Variants in HEXB observed in about 807,000 individuals in gnomAD.
The protein encoded by HEXB is beta-hexosaminidase subunit beta.
HEXB carries 51 observed loss-of-function variants against 71.2 expected under a neutral mutation model. The ratio of observed to expected loss-of-function variants is 0.72; its 90% CI spans 0.57 to 0.90. HEXB has a LOEUF of 0.90. HEXB is among the 40% of genes least tolerant of loss of function. HEXB has a pLI of 0.00. For synonymous variants in HEXB, 266 were observed against 249.3 expected, an observed-to-expected ratio of 1.07 and a Z score of -0.63; for missense variants, 617 against 677.0, an observed-to-expected ratio of 0.91 and a Z score of 0.98.
intron 5 of HEXB, among the ~76,000 whole-genome samples, chr5:74,702,983 G>C (rs1749298922): frequency 6.6e-6 from 1 of 152,104 alleles, no homozygotes; most frequent in Admixed American, 6.6e-5. Context: ...ATGGAGTTTC[G>C]CTCTTGTCGC....
Position 74,720,728 on chromosome 5 carries a change from C to T in HEXB, c.1594C>T (p.His532Tyr), listed in dbSNP as rs968213091. ...TGACGCCTATGACAGACTGACAAGG[C>T]ACCGCTGCAGGATGGTCGAGTAAGA... ...MDDAYDRLTR[H>Y]RCRMVERGIA... The change falls in exon 13 of 14, where the codon CAC (histidine) becomes TAC (tyrosine). Residue 532 changes from histidine to tyrosine, a missense_variant. His to Tyr is a moderately conservative substitution (Grantham distance 83). Coordinates refer to ENST00000261416, the MANE Select transcript of HEXB (RefSeq NM_000521.4). 1.9e-6 allele frequency: 3 copies of T among 1,613,682 alleles called. No individual in the cohort carries two copies. Among genetic ancestry groups the T allele is most frequent in the Non-Finnish European group, 8.5e-7 (1 of 1,179,566 alleles).
intron 1 of HEXB, among the ~76,000 whole-genome samples, chr5:74,644,540 T>C (rs763217828): frequency 2.0e-5 from 3 of 152,152 alleles, no homozygotes; most frequent in Non-Finnish European, 4.4e-5. Context: ...TGGCTGTTTA[T>C]TAAAGAGATG....
intron 1 of HEXB, among the ~76,000 whole-genome samples, chr5:74,677,490 C>CTTTTTTTTTTTTTTTTTT (rs566302720): frequency 2.2e-4 from 17 of 77,282 alleles, no homozygotes; most frequent in Non-Finnish European, 3.0e-4. Context: ...TCTTCTTCTT[C>CTTTTTTTTTTTTTTTTTT]TTTTTTTTTT....
intron 2 of HEXB, among the ~76,000 whole-genome samples, chr5:74,690,759 G>GT (rs1192244620): frequency 6.7e-6 from 1 of 149,450 alleles, no homozygotes; most frequent in Non-Finnish European, 1.5e-5. Context: ...CTGCCTCACA[G>GT]TTAAGTACAT....
chr5:74,719,057 G>A (rs1303673764), intron 11 of HEXB, 86 bp downstream of exon 11: 2 of 1,348,612 alleles, frequency 1.5e-6, no homozygotes, highest in African/African-American at 1.4e-5. Flanking sequence ...TGTTTTATGA[G>A]TTTTCTTCCC....
At chr5:74,663,818 T>A (rs1408126353) in intron 1 of HEXB, among the ~76,000 whole-genome samples, 1 of 152,138 alleles carries the variant, frequency 6.6e-6, no homozygotes, top group South Asian at 2.1e-4. Context: ...GTTTAAAAGA[T>A]GGATTACTTA....
At chr5:74,658,365 T>G (rs975943712) in intron 1 of HEXB, among the ~76,000 whole-genome samples, 10 of 152,194 alleles carry the variant, frequency 6.6e-5, no homozygotes, top group African/African-American at 2.4e-4. Context: ...GGTAAAGAAT[T>G]TCGCCTTGCC....
intron 1 of HEXB, among the ~76,000 whole-genome samples, chr5:74,658,156 C>T (rs1052785038): frequency 1.3e-5 from 2 of 152,162 alleles, no homozygotes; most frequent in Admixed American, 6.5e-5. Context: ...CTGAGGGCTT[C>T]AGCACATGTG....
At chr5:74,644,223 C>A (rs532363750) in intron 1 of HEXB, among the ~76,000 whole-genome samples, 1 of 152,206 alleles carries the variant, frequency 6.6e-6, no homozygotes, top group Non-Finnish European at 1.5e-5. Context: ...GCCATGGGGA[C>A]CTCTGGAGCT....
intron 5 of HEXB, among the ~76,000 whole-genome samples, chr5:74,698,190 G>A (rs895895280): frequency 1.1e-4 from 16 of 151,630 alleles, no homozygotes; most frequent in Non-Finnish European, 1.9e-4. Flanking sequence ...CAATTCTCCT[G>A]CCTCAGCCTC....
At chr5:74,650,794 T>C (rs1460211572) in intron 1 of HEXB, among the ~76,000 whole-genome samples, 2 of 150,654 alleles carry the variant, frequency 1.3e-5, no homozygotes, top group African/African-American at 2.5e-5. Flanking sequence ...GGCGTGGTGG[T>C]GGGCACCTGT....
chr5:74,670,005 G>C (rs1331294217), intron 1 of HEXB, among the ~76,000 whole-genome samples: 1 of 152,114 alleles, frequency 6.6e-6, no homozygotes, highest in Non-Finnish European at 1.5e-5. Flanking sequence ...AGGCAGACAG[G>C]GGTGGGTCCC....
intron 3 of HEXB, among the ~76,000 whole-genome samples, chr5:74,694,647 A>G (rs1749071484): frequency 6.6e-6 from 1 of 152,166 alleles, no homozygotes; most frequent in African/African-American, 2.4e-5. Flanking sequence ...AAAAAACATG[A>G]ACTAACCAAA....
intron 3 of HEXB, among the ~76,000 whole-genome samples, chr5:74,694,299 G>A (rs1358967396): frequency 6.6e-6 from 1 of 152,168 alleles, no homozygotes; most frequent in Non-Finnish European, 1.5e-5. Flanking sequence ...ACTACACATG[G>A]CCCCAACCTG....
At chr5:74,673,952 A>G (rs1184542661) in intron 1 of HEXB, among the ~76,000 whole-genome samples, 1 of 152,180 alleles carries the variant, frequency 6.6e-6, no homozygotes, top group Non-Finnish European at 1.5e-5. Context: ...GTCAATCTAC[A>G]ATAATCAAAA....
chr5:74,685,165 TCACC>T, upstream of HEXB: 1 of 1,323,124 alleles, frequency 7.6e-7, no homozygotes, highest in South Asian at 1.6e-5. Context: ...ACTCGGTGAC[TCACC>T]CGCGGCCGCG....
intron 1 of HEXB, among the ~76,000 whole-genome samples, chr5:74,662,887 C>T (rs979960197): frequency 1.3e-5 from 2 of 152,126 alleles, no homozygotes; most frequent in East Asian, 1.9e-4. Flanking sequence ...GAATTTAAGC[C>T]ATTTCCCCAA....
intron 1 of HEXB, among the ~76,000 whole-genome samples, chr5:74,650,310 T>C (rs1272110675): frequency 6.6e-6 from 1 of 152,240 alleles, no homozygotes; most frequent in Non-Finnish European, 1.5e-5. Flanking sequence ...TTTCCTACAC[T>C]GAACTTTTAG....
Position 74,697,254 on chromosome 5 carries a change from A to G in HEXB, c.669+148A>G. Reference sequence around the variant, plus strand: ...CTTTCCTCAGTTCCTAGGGAAGTGTATTTCCTCAGCTGTGACGTGGAGGTC... The same window carrying G: ...CTTTCCTCAGTTCCTAGGGAAGTGTGTTTCCTCAGCTGTGACGTGGAGGTC... On this transcript the variant is annotated intron_variant, in intron 5 of 13. Coordinates refer to ENST00000261416, the MANE Select transcript of HEXB (RefSeq NM_000521.4). The G allele has an allele frequency of 4.6e-6, 3 of 648,864 alleles. 1 individual carries two copies. In the South Asian group the frequency reaches 5.3e-5, roughly 11 times the overall value. 40.2% of individuals were successfully genotyped at this position (648,864 alleles called of 1,614,324 possible).
Sources: allele counts gnomAD v4.1 joint callset (sites outside exome capture counted in the v4.1 genomes callset), GRCh38; gene constraint gnomAD v4.1.1; transcripts MANE v1.5; gene names NCBI Gene and HGNC (gene_info 2026-07-23, HGNC 2026-07-21).